The following XRN1 variants were observed in gnomAD, a reference collection of about 807,000 sequenced individuals.
The protein encoded by XRN1 is 5'-3' exoribonuclease 1, also known as strand-exchange protein 1 homolog.
In XRN1, 67 loss-of-function variants were observed where a neutral mutation model predicts 222.3. The ratio of observed to expected loss-of-function variants is 0.30; its 90% confidence interval spans 0.25 to 0.37. The LOEUF is 0.37. Ranked by LOEUF, XRN1 falls within the 10% of genes least tolerant of loss-of-function variation. The probability of loss-of-function intolerance (pLI) is 1.00; values close to 1 mark genes in which losing one functional copy is unlikely to be tolerated. For synonymous variants in XRN1, 643 were observed against 652.4 expected, an observed-to-expected ratio of 0.99 and a Z score of 0.22; for missense variants, 1,707 against 2,000.2, an observed-to-expected ratio of 0.85 and a Z score of 2.80.
At chr3:142,438,945 C>CT (rs567570114) in intron 1 of XRN1, among the ~76,000 whole-genome samples, 231 of 152,154 alleles carry the variant, frequency 1.5e-3, no homozygotes, top group African/African-American at 4.7e-3. Flanking sequence ...AAGGACCCCC[C>CT]TTTAACCCAA....
Position 142,309,414 on chromosome 3 carries a change from G to C in XRN1, c.*2097C>G, listed in dbSNP as rs1182136909. 2.0e-5 allele frequency: 3 copies of C among 152,154 alleles called. No homozygotes were observed. Among genetic ancestry groups the C allele is most frequent in the Admixed American group, 6.6e-5 (1 of 15,262 alleles). The allele number at this position is 152,154 out of a possible 1,614,324, so 9.4% of individuals were successfully genotyped here. On this transcript the variant is annotated 3_prime_UTR_variant, in exon 41 of 41. Transcript: ENST00000392981. ...AATTTTTGTATTTTTAGTAGAGACA[G>C]GGCTTCATCATGTTGGCCAGGCTTG...
At chr3:142,354,971 G>T (rs1047714744) in intron 32 of XRN1, among the ~76,000 whole-genome samples, 2 of 151,946 alleles carry the variant, frequency 1.3e-5, no homozygotes, top group Non-Finnish European at 2.9e-5. Flanking sequence ...ATGAATATAA[G>T]AACAGAAAAC....
intron 31 of XRN1, 122 bp downstream of exon 31, chr3:142,356,790 G>A: frequency 2.8e-6 from 3 of 1,061,932 alleles, no homozygotes; most frequent in Non-Finnish European, 4.0e-6. Flanking sequence ...GAATTGACCT[G>A]AGCCAAAACT....
chr3:142,364,479 G>C (rs1393470442), intron 29 of XRN1, among the ~76,000 whole-genome samples: 1 of 151,818 alleles, frequency 6.6e-6, no homozygotes, highest in African/African-American at 2.4e-5. Context: ...TTAAGCGTAT[G>C]GTACAGTAAT....
intron 39 of XRN1, among the ~76,000 whole-genome samples, chr3:142,314,382 C>T (rs1045707226): frequency 6.6e-6 from 1 of 152,104 alleles, no homozygotes; most frequent in Non-Finnish European, 1.5e-5. Context: ...AAACATTCCT[C>T]TTAAAAAATA....
chr3:142,309,413 AGGGCTTC>A lies in XRN1; in HGVS notation c.*2091_*2097del, dbSNP rs2065034259. ...TAATTTTTGTATTTTTAGTAGAGACAGGGCTTCATCATGTTGGCCAGGCTTGTCTGGA... is the reference window on the plus strand; with the variant it reads ...TAATTTTTGTATTTTTAGTAGAGACAATCATGTTGGCCAGGCTTGTCTGGA... On this transcript the variant is annotated 3_prime_UTR_variant, in exon 41 of 41. Coordinates refer to ENST00000392981, the MANE Select transcript of XRN1 (RefSeq NM_001282857.2). 3 of 152,230 alleles carry A rather than the reference AGGGCTTC, an allele frequency of 2.0e-5. No homozygotes were observed. The East Asian group carries it at 5.8e-4, about 29-fold the overall frequency. The allele number at this position is 152,230 out of a possible 1,614,324, so 9.4% of individuals were successfully genotyped here. A position where few individuals can be genotyped will look rare whatever the true frequency, so the allele number is the denominator to read the frequency against.
At chr3:142,315,414 C>T (rs1053650007) in intron 39 of XRN1, among the ~76,000 whole-genome samples, 1 of 151,562 alleles carries the variant, frequency 6.6e-6, no homozygotes, top group Admixed American at 6.6e-5. Context: ...GATTTTGATG[C>T]CAGTTCTGCT....
intron 20 of XRN1, among the ~76,000 whole-genome samples, chr3:142,391,070 T>C (rs538435950): frequency 4.3e-4 from 65 of 152,216 alleles, no homozygotes; most frequent in African/African-American, 1.5e-3. Context: ...TCACTGATCA[T>C]AGATGACCAT....
chr3:142,434,044 A>C (rs961339518), intron 1 of XRN1, among the ~76,000 whole-genome samples: 3 of 152,238 alleles, frequency 2.0e-5, no homozygotes, highest in Admixed American at 2.0e-4. Context: ...AGTTGTAACC[A>C]TGAGAGTTTT....
chr3:142,411,464 A>T (rs2068577821), intron 15 of XRN1, among the ~76,000 whole-genome samples: 1 of 151,952 alleles, frequency 6.6e-6, no homozygotes, highest in Non-Finnish European at 1.5e-5. Flanking sequence ...AGCGTCTAGA[A>T]CCTTAAATTT....
chr3:142,443,869 T>C (rs1245839123), intron 1 of XRN1, among the ~76,000 whole-genome samples: 4 of 152,342 alleles, frequency 2.6e-5, no homozygotes, highest in East Asian at 1.9e-4. Flanking sequence ...GAAAATGTGG[T>C]ATATACACAA....
chr3:142,417,932 A>G (rs1033532775), intron 12 of XRN1: 23 of 152,352 alleles, frequency 1.5e-4, no homozygotes, highest in African/African-American at 4.8e-4. Flanking sequence ...ACAATGAAGA[A>G]CAGCATTTTT....
At chr3:142,351,587 GC>G (rs941140479) in intron 32 of XRN1, among the ~76,000 whole-genome samples, 20 of 152,048 alleles carry the variant, frequency 1.3e-4, no homozygotes, top group African/African-American at 4.8e-4. Context: ...AGCAATTCTT[GC>G]CTTTATCTAT....
chr3:142,355,659 T>A (rs953249136), intron 31 of XRN1, among the ~76,000 whole-genome samples, 163 bp from the exon 32 acceptor site: 20 of 152,140 alleles, frequency 1.3e-4, no homozygotes, highest in Admixed American at 1.3e-4. Context: ...CTTGCTCATG[T>A]CGCCCAAGCT....
At chr3:142,435,414 A>C (rs2069840050) in intron 1 of XRN1, 1 of 150,804 alleles carries the variant, frequency 6.6e-6, no homozygotes. Context: ...AAAAAAAAGA[A>C]GTCAACATCT....
At chr3:142,336,179 T>C (rs1331113016) in intron 33 of XRN1, among the ~76,000 whole-genome samples, 1 of 151,998 alleles carries the variant, frequency 6.6e-6, no homozygotes, top group African/African-American at 2.4e-5. Flanking sequence ...AAAGGATGAA[T>C]TTGAGAGATT....
intron 37 of XRN1, among the ~76,000 whole-genome samples, chr3:142,319,993 T>C (rs2065309880): frequency 6.6e-6 from 1 of 152,156 alleles, no homozygotes; most frequent in African/African-American, 2.4e-5. Context: ...ACACTTAGGT[T>C]GATTCCCTAT....
intron 34 of XRN1, among the ~76,000 whole-genome samples, chr3:142,334,975 ACAG>A (rs59635552): frequency 0.63 from 95,600 of 151,144 alleles, 32,192 homozygotes; most frequent in African/African-American, 0.89. Context: ...AACTGGGACT[ACAG>A]CAGGCACATG....
chr3:142,439,817 G>C (rs1314577447), intron 1 of XRN1, among the ~76,000 whole-genome samples: 1 of 151,914 alleles, frequency 6.6e-6, no homozygotes, highest in Non-Finnish European at 1.5e-5. Flanking sequence ...CTCTGGAAAA[G>C]GGAAAAGCTG....
Sources: allele counts gnomAD v4.1 joint callset (sites outside exome capture counted in the v4.1 genomes callset), GRCh38; gene constraint gnomAD v4.1.1; transcripts MANE v1.5; gene names NCBI Gene and HGNC (gene_info 2026-07-23, HGNC 2026-07-21).